Variants in CES2 observed in about 807,000 individuals in gnomAD.
CES2 encodes carboxylesterase 2.
A neutral mutation model predicts 52.1 loss-of-function variants in CES2; 42 were observed. The observed-to-expected ratio is 0.81, with a 90% CI of 0.63 to 1.04. CES2 has a LOEUF of 1.04. Ranked by LOEUF, CES2 falls within the 50% of genes least tolerant of loss-of-function variation. The pLI is 0.00. For missense variants in CES2, 656 were observed against 724.3 expected, an observed-to-expected ratio of 0.91 and a Z score of 1.08; for synonymous variants, 277 against 289.6, an observed-to-expected ratio of 0.96 and a Z score of 0.44.
At chr16:66,941,054 C>T in intron 5 of CES2, 70 bp from the exon 6 acceptor site, 1 of 1,594,846 alleles carries the variant, frequency 6.3e-7, no homozygotes, top group Non-Finnish European at 8.5e-7. Context: ...CTGTTCTTGG[C>T]CAGGGCCTTG....
At chr16:66,936,861 T>A (rs912286809) in intron 1 of CES2, among the ~76,000 whole-genome samples, 4 of 152,102 alleles carry the variant, frequency 2.6e-5, no homozygotes, top group Non-Finnish European at 5.9e-5. Context: ...CAGGAAGATC[T>A]GCCTGGCCTC....
At position 66,935,718 on chromosome 16, in the gene CES2, C is replaced by G; in HGVS notation, c.76+7C>G. The G allele has an allele frequency of 6.3e-7, 1 of 1,599,630 alleles. No individual in the cohort carries two copies. Among genetic ancestry groups the G allele is most frequent in the South Asian group, 1.1e-5 (1 of 91,074 alleles). On this transcript the variant is annotated splice_region_variant and intron_variant, in intron 1 of 11. Transcript: ENST00000317091. The stretch of plus-strand genomic sequence containing the variant: ...CTTCTTGTCCGGGGCCAGGGTGAGG[C>G]TCCCTCGGAGGGGCGACAGGGACCG...
At chr16:66,935,395 G>A, upstream of CES2, 1 of 1,535,466 alleles carries the variant, frequency 6.5e-7, no homozygotes, top group South Asian at 1.2e-5. Context: ...CCCGGGCAAA[G>A]GAAAGTGGCC....
rs200126962 is a variant in CES2, at chr16:66,939,236, G to A, written c.301G>A (p.Ala101Thr). The stretch of plus-strand genomic sequence containing the variant: ...TACCAGGTGTCTACAGGACCTCACC[G>A]CAGTGGAGTCAGAGTTTCTTAGCCA... ...HPAMCLQDLT[A>T]VESEFLSQFN... Residue 101 changes from alanine to threonine, a missense_variant, in exon 3 of 12, where the codon GCA becomes ACA. By Grantham distance (58) the Ala-to-Thr change is moderately conservative. Coordinates refer to ENST00000317091, the MANE Select transcript of CES2 (RefSeq NM_001365405.1). 71 of 1,613,898 alleles carry A rather than the reference G, an allele frequency of 4.4e-5. 1 individual carries two copies. Among genetic ancestry groups the A allele is most frequent in the Admixed American group, 1.3e-4 (8 of 60,008 alleles).
chr16:66,935,391 C>A, upstream of CES2: 2 of 1,529,632 alleles, frequency 1.3e-6, no homozygotes, highest in Non-Finnish European at 1.8e-6. Flanking sequence ...GGAGCCCGGG[C>A]AAAGGAAAGT....
At position 66,941,196 on chromosome 16, in the gene CES2, A is replaced by G. The variant is rs906100929; in HGVS notation, c.889A>G (p.Lys297Glu). 1.9e-6 allele frequency: 3 copies of G among 1,614,156 alleles called. No homozygotes were observed. The highest frequency in any genetic ancestry group is 2.7e-5 in the African/African-American group (2 of 75,062). ...GGTGGGCTGCCTGCGGGGCAAGAGT[A>G]AAGAGGAGATTCTTGCAATTAACAA... Reference protein sequence around the residue: ...ALVGCLRGKSKEEILAINKPF... With the variant: ...ALVGCLRGKSEEEILAINKPF... The change falls in exon 6 of 12, where the codon AAA (lysine) becomes GAA (glutamate). Residue 297 changes from lysine to glutamate, a missense_variant. By Grantham distance (56) the Lys-to-Glu change is moderately conservative (BLOSUM62 1). Coordinates refer to ENST00000317091, the MANE Select transcript of CES2 (RefSeq NM_001365405.1).
At position 66,943,164 on chromosome 16, in the gene CES2, G is replaced by A; in HGVS notation, c.1421-135G>A. The A allele has an allele frequency of 1.1e-6, 1 of 887,586 alleles. No individual in the cohort carries two copies. The highest frequency in any genetic ancestry group is 2.7e-5 in the East Asian group (1 of 37,506). 55.0% of individuals were successfully genotyped at this position (887,586 alleles called of 1,614,324 possible). ...GAAAGTTTGGAAAAGGGGAGGGCTG[G>A]CTTCTGAGGGCAGTGGAAGAAAAAG... On this transcript the variant is annotated intron_variant, in intron 10 of 11. Transcript: ENST00000317091. This position sits in a 1 kb window ranked among gnomAD's most constrained non-coding sequence, Gnocchi z 4.2.
intron 1 of CES2, 87 bp from the exon 2 acceptor site, chr16:66,937,950 A>T: frequency 1.9e-6 from 2 of 1,079,060 alleles, no homozygotes; most frequent in Non-Finnish European, 2.8e-6. Flanking sequence ...AGCTAAGATG[A>T]GGATGGCAAG....
chr16:66,939,764 G>A (rs1251575875), intron 3 of CES2, among the ~76,000 whole-genome samples: 1 of 152,260 alleles, frequency 6.6e-6, no homozygotes, highest in Non-Finnish European at 1.5e-5. Context: ...CTAAAATGCA[G>A]TGGCATGAAC....
rs533978638 is a variant in CES2 at position 66,944,775 on chromosome 16, A to T, written c.*750A>T. 1 of 152,294 alleles carries T rather than the reference A, an allele frequency of 6.6e-6. No individual in the cohort carries two copies. Among genetic ancestry groups the T allele is most frequent in the Non-Finnish European group, 1.5e-5 (1 of 68,044 alleles). 9.4% of individuals were successfully genotyped at this position (152,294 alleles called of 1,614,324 possible). ...CCAAAAAAATAAGAGAGAATAGAAG[A>T]AGCTACTGCATGATGTTAGTTACCA... is the stretch of plus-strand genomic sequence containing the variant. On this transcript the variant is annotated 3_prime_UTR_variant, in exon 12 of 12. Transcript: ENST00000317091.
chr16:66,934,498 T>C, upstream of CES2: 2 of 1,332,670 alleles, frequency 1.5e-6, no homozygotes, highest in South Asian at 3.1e-5. This position sits in a 1 kb window ranked among gnomAD's most constrained non-coding sequence, Gnocchi z 4.1. Context: ...GTTCTCGGCC[T>C]GAGGTGCGAG....
intron 6 of CES2, 128 bp from the exon 7 acceptor site, chr16:66,941,378 C>A (rs1963359264): frequency 6.6e-7 from 1 of 1,516,990 alleles, no homozygotes; most frequent in Non-Finnish European, 8.9e-7. Flanking sequence ...CATGCTGAGC[C>A]AAACAGTAAT....
Position 66,943,833 on chromosome 16 carries a change from C to T in CES2, c.1494-6C>T. On this transcript the variant is annotated splice_polypyrimidine_tract_variant and splice_region_variant and intron_variant, in intron 11 of 11. Transcript: ENST00000317091. This position sits in a 1 kb window ranked among gnomAD's most constrained non-coding sequence, Gnocchi z 4.2. ...ATACTGCCCTGCTGGGATGGCATGT[C>T]TACAGGAACCCCAATGGCGAGGGTC... 6.3e-7 allele frequency: 1 copy of T among 1,586,664 alleles called. No individual in the cohort carries two copies. Among genetic ancestry groups the T allele is most frequent in the Non-Finnish European group, 8.6e-7 (1 of 1,161,060 alleles).
Position 66,943,523 on chromosome 16 carries a change from G to C in CES2, c.1493+152G>C, listed in dbSNP as rs1213289160. 5.3e-6 allele frequency: 4 copies of C among 752,804 alleles called. 1 individual carries two copies. Among genetic ancestry groups the C allele is most frequent in the South Asian group, 3.4e-5 (2 of 58,598 alleles). The allele number at this position is 752,804 out of a possible 1,614,324, so 46.6% of individuals were successfully genotyped here. On this transcript the variant is annotated intron_variant, in intron 11 of 11. Coordinates refer to ENST00000317091, the MANE Select transcript of CES2 (RefSeq NM_001365405.1). The surrounding 1 kb of genome is among the most constrained non-coding windows in gnomAD (Gnocchi z 4.2). ...GCTCCGGGACCCACTCAGACAGGGTGGGGGTGCGTGGGGCAGTGGACACGC... is the reference window on the plus strand; with the variant it reads ...GCTCCGGGACCCACTCAGACAGGGTCGGGGTGCGTGGGGCAGTGGACACGC...
chr16:66,938,710 T>C (rs952859980), intron 2 of CES2, among the ~76,000 whole-genome samples: 2 of 152,190 alleles, frequency 1.3e-5, no homozygotes, highest in Non-Finnish European at 2.9e-5. Flanking sequence ...CCAGGAGCCA[T>C]TGGCCAAGAG....
chr16:66,940,031 G>A (rs569778218), intron 3 of CES2, among the ~76,000 whole-genome samples, 191 bp from the exon 4 acceptor site: 1 of 152,296 alleles, frequency 6.6e-6, no homozygotes, highest in South Asian at 2.1e-4. Flanking sequence ...CAGGGGGTTC[G>A]ATTGCAAAGA....
chr16:66,940,035 G>C (rs1033430262), intron 3 of CES2, among the ~76,000 whole-genome samples, 187 bp from the exon 4 acceptor site: 6 of 152,188 alleles, frequency 3.9e-5, no homozygotes, highest in Non-Finnish European at 5.9e-5. Context: ...GGGTTCGATT[G>C]CAAAGATTGG....
rs1244262795 is a variant in CES2 at position 66,940,347 on chromosome 16, C to A, written c.549C>A (p.Gly183=). ...TCCAGTACCGCCTGGGTGTCCTGGG[C>A]TTCTTCAGGTGAGACTAGGGCTGGG... is the stretch of plus-strand genomic sequence containing the variant. ...VIIQYRLGVL[G]FFSTGDKHAT... Residue 183 remains glycine, a synonymous_variant, in exon 4 of 12, where the codon GGC becomes GGA. Coordinates refer to ENST00000317091, the MANE Select transcript of CES2 (RefSeq NM_001365405.1). 2 of 1,614,162 alleles carry A rather than the reference C, an allele frequency of 1.2e-6. No homozygotes were observed. The highest frequency in any genetic ancestry group is 2.7e-5 in the African/African-American group (2 of 75,044).
intron 9 of CES2, 108 bp from the exon 10 acceptor site, chr16:66,942,540 A>G (rs1428177178): frequency 5.5e-6 from 7 of 1,264,128 alleles, no homozygotes; most frequent in Non-Finnish European, 7.8e-6. Context: ...TCCACACCCC[A>G]TTGTCCAGAT....
Sources: allele counts gnomAD v4.1 joint callset (sites outside exome capture counted in the v4.1 genomes callset), GRCh38; gene constraint gnomAD v4.1.1; non-coding constraint Gnocchi (gnomAD v3.1); transcripts MANE v1.5; gene names NCBI Gene and HGNC (gene_info 2026-07-23, HGNC 2026-07-21).